Variants in BARD1 observed in about 807,000 individuals in gnomAD.
BARD1 encodes the protein BRCA1-associated RING domain protein 1.
Under a neutral mutation model 77.0 loss-of-function variants are expected in BARD1, and 73 were observed. That is an observed-to-expected ratio of 0.95 (90% CI 0.79 to 1.15). The LOEUF is 1.15. BARD1 is among the 50% of genes most tolerant of loss of function. The pLI, the probability that BARD1 is intolerant of heterozygous loss-of-function variation, is 0.00. For synonymous variants in BARD1, 384 were observed against 338.0 expected (o/e 1.14, Z -1.49); for missense variants, 993 against 938.8 (o/e 1.06, Z -0.75).
intron 9 of BARD1, among the ~76,000 whole-genome samples, chr2:214,737,546 C>T (rs375934064): frequency 2.6e-5 from 4 of 152,166 alleles, no homozygotes; most frequent in East Asian, 3.9e-4. Flanking sequence ...TGACCTACTC[C>T]GGAGACAATA....
At chr2:214,769,513 G>A (rs1025425204) in intron 4 of BARD1, among the ~76,000 whole-genome samples, 9 of 152,254 alleles carry the variant, frequency 5.9e-5, no homozygotes, top group African/African-American at 1.9e-4. Context: ...AGGCCAAGGT[G>A]GGTGGATCAC....
chr2:214,760,550 C>T (rs1259572890), intron 6 of BARD1, among the ~76,000 whole-genome samples: 1 of 152,116 alleles, frequency 6.6e-6, no homozygotes, highest in East Asian at 1.9e-4. Flanking sequence ...TTACTTAGCC[C>T]TCTTATACAA....
chr2:214,761,392 C>G (rs1343886870), intron 6 of BARD1, among the ~76,000 whole-genome samples: 1 of 151,962 alleles, frequency 6.6e-6, no homozygotes, highest in Admixed American at 6.5e-5. Context: ...ACAAATCACT[C>G]TAACTTATAA....
chr2:214,799,017 T>G (rs1322675333), intron 1 of BARD1, among the ~76,000 whole-genome samples: 1 of 152,104 alleles, frequency 6.6e-6, no homozygotes, highest in Admixed American at 6.5e-5. Context: ...CTTGGGAGGC[T>G]GAGGCACAAG....
At chr2:214,791,656 A>C (rs527698185) in intron 3 of BARD1, among the ~76,000 whole-genome samples, 1 of 152,350 alleles carries the variant, frequency 6.6e-6, no homozygotes, top group East Asian at 1.9e-4. Context: ...AAGAAAATGA[A>C]TATTAGATTT....
At chr2:214,739,027 T>C (rs1013809663) in intron 9 of BARD1, among the ~76,000 whole-genome samples, 4 of 151,874 alleles carry the variant, frequency 2.6e-5, no homozygotes, top group African/African-American at 9.7e-5. Context: ...TGAGTGCCTG[T>C]AGTTCCAGCT....
chr2:214,777,048 A>C (rs1694766598), intron 4 of BARD1, among the ~76,000 whole-genome samples: 1 of 152,170 alleles, frequency 6.6e-6, no homozygotes, highest in Admixed American at 6.5e-5. Flanking sequence ...CAACCATCCA[A>C]GCAAAAATGA....
Position 214,797,098 on chromosome 2 carries a change from GCT to G in BARD1, c.176_177del (p.Glu59AlafsTer8), listed in dbSNP as rs1057517589. ...RCSRCTNILR[E>X]PVCLGGCEHI... ...TGCTCACATCCTCCTAAACACACAGGCTCTCTCAGAATGTTAGTACTGTTTGA... is the reference window on the plus strand; with the variant it reads ...TGCTCACATCCTCCTAAACACACAGGCTCTCAGAATGTTAGTACTGTTTGA... On this transcript the variant is annotated frameshift_variant, in exon 2 of 11. Transcript: ENST00000260947. LOFTEE classifies it high-confidence loss of function. The G allele has an allele frequency of 3.7e-6, 6 of 1,612,708 alleles. No individual in the cohort carries two copies. The highest frequency in any genetic ancestry group is 4.2e-6 in the Non-Finnish European group (5 of 1,179,114).
chr2:214,776,726 T>C (rs942916175), intron 4 of BARD1, among the ~76,000 whole-genome samples: 1 of 152,110 alleles, frequency 6.6e-6, no homozygotes, highest in Admixed American at 6.5e-5. Flanking sequence ...AACCTGTGAC[T>C]ATGTTACCTT....
chr2:214,761,033 C>T (rs1693938342), intron 6 of BARD1, among the ~76,000 whole-genome samples: 1 of 150,866 alleles, frequency 6.6e-6, no homozygotes, highest in Admixed American at 6.6e-5. Context: ...CTTGGCTTCT[C>T]AATCCACAGG....
intron 9 of BARD1, among the ~76,000 whole-genome samples, chr2:214,734,106 G>A (rs944413832): frequency 6.6e-6 from 1 of 151,952 alleles, no homozygotes; most frequent in African/African-American, 2.4e-5. Flanking sequence ...AAGATAATAG[G>A]TTTTTTGAAT....
intron 7 of BARD1, among the ~76,000 whole-genome samples, chr2:214,748,964 T>C (rs1023486083): frequency 1.3e-5 from 2 of 152,046 alleles, no homozygotes; most frequent in Admixed American, 6.5e-5. Context: ...CCTCACACAG[T>C]TTATATTCTA....
At chr2:214,783,383 T>TA (rs1174725415) in intron 3 of BARD1, among the ~76,000 whole-genome samples, 4 of 152,046 alleles carry the variant, frequency 2.6e-5, no homozygotes, top group Admixed American at 6.6e-5. Flanking sequence ...TATGCAGCCA[T>TA]AAAAAAGAAT....
chr2:214,780,900 T>C lies in BARD1; in HGVS notation c.974A>G (p.His325Arg), dbSNP rs768621478. The C allele has an allele frequency of 6.2e-7, 1 of 1,614,146 alleles. No individual in the cohort carries two copies. The highest frequency in any genetic ancestry group is 1.1e-5 in the South Asian group (1 of 91,082). The change falls in exon 4 of 11, where the codon CAC (histidine) becomes CGC (arginine). Residue 325 changes from histidine to arginine, a missense_variant. Coordinates refer to ENST00000260947, the MANE Select transcript of BARD1 (RefSeq NM_000465.4). ...AGAAATGGGACTGGAAAGTCTATTG[T>C]GATGGCCACGTTTTCCATTATTTTC... ...PLENNGKRGH[H>R]NRLSSPISKR...
At chr2:214,750,513 A>G (rs1179838024) in intron 7 of BARD1, among the ~76,000 whole-genome samples, 1 of 152,128 alleles carries the variant, frequency 6.6e-6, no homozygotes, top group Non-Finnish European at 1.5e-5. Context: ...GCTGTTCCTT[A>G]GATTTGGGCT....
intron 4 of BARD1, among the ~76,000 whole-genome samples, chr2:214,773,990 C>G (rs935755141): frequency 3.9e-5 from 6 of 152,210 alleles, no homozygotes; most frequent in Non-Finnish European, 8.8e-5. Flanking sequence ...ACAGTGTTCA[C>G]AACATCTTCA....
intron 1 of BARD1, among the ~76,000 whole-genome samples, chr2:214,808,538 A>T (rs2106168078): frequency 6.6e-6 from 1 of 152,374 alleles, no homozygotes; most frequent in South Asian, 2.1e-4. Flanking sequence ...GCTACAAATA[A>T]CAAAAAAACT....
At chr2:214,804,345 T>C (rs914889018) in intron 1 of BARD1, among the ~76,000 whole-genome samples, 6 of 152,228 alleles carry the variant, frequency 3.9e-5, no homozygotes, top group South Asian at 2.1e-4. Flanking sequence ...AGTTCTTTCA[T>C]ACATCAATTT....
intron 1 of BARD1, among the ~76,000 whole-genome samples, chr2:214,799,677 T>C (rs544909232): frequency 1.3e-5 from 2 of 152,314 alleles, no homozygotes; most frequent in East Asian, 3.9e-4. Context: ...CATTTGCATC[T>C]ACACATGAAC....
Sources: allele counts gnomAD v4.1 joint callset (sites outside exome capture counted in the v4.1 genomes callset), GRCh38; gene constraint gnomAD v4.1.1; transcripts MANE v1.5; gene names NCBI Gene and HGNC (gene_info 2026-07-23, HGNC 2026-07-21).